CASZ1: variants seen among roughly 807,000 people sequenced by gnomAD.
The protein encoded by CASZ1 is castor zinc finger 1.
CASZ1 carries 28 observed loss-of-function variants against 135.2 expected under a neutral mutation model. That is an observed-to-expected ratio of 0.21 (90% CI 0.15 to 0.28). CASZ1 has a LOEUF of 0.28. Ranked by LOEUF, CASZ1 falls within the 10% of genes least tolerant of loss-of-function variation. The probability of loss-of-function intolerance (pLI) is 1.00; values close to 1 mark genes in which losing one functional copy is unlikely to be tolerated. For missense variants in CASZ1, 2,161 were observed against 2,453.3 expected, an observed-to-expected ratio of 0.88 and a Z score of 2.52; for synonymous variants, 1,068 against 1,073.4, an observed-to-expected ratio of 0.99 and a Z score of 0.10.
In CASZ1 at chr1:10,719,824, G is replaced by C. The variant is rs1316029440; in HGVS notation, c.-76-14280C>G. On this transcript the variant is annotated intron_variant, in intron 2 of 20. Transcript: ENST00000377022. The surrounding 1 kb of genome is among the most constrained non-coding windows in gnomAD (Gnocchi z 4.0). ...GGGGATCCCCACAGGCCTGGAACAGGCACCTCCGGGGTTCAAAGGCCCACA... is the reference window on the plus strand; with the variant it reads ...GGGGATCCCCACAGGCCTGGAACAGCCACCTCCGGGGTTCAAAGGCCCACA... 6.6e-6 allele frequency among the ~76,000 whole-genome samples: 1 copy of C among 152,256 alleles called. No homozygotes were observed. The highest frequency in any genetic ancestry group is 1.5e-5 in the Non-Finnish European group (1 of 68,048).
chr1:10,656,703 G>C lies in CASZ1; in HGVS notation c.1443C>G (p.His481Gln). Residue 481 changes from histidine (H) to glutamine (Q), a missense_variant, in exon 8 of 21, where the codon CAC (histidine) becomes CAG (glutamine). This residue lies in a region of CASZ1 where 248 missense variants were observed against 410.8 expected (regional missense o/e 0.60). Coordinates refer to ENST00000377022, the MANE Select transcript of CASZ1 (RefSeq NM_001079843.3). ...AGTGCTCGCGGTACTGGTAGGCACAGTGGATGTGGCCACAGTGCTGGCTGC... is the reference window on the plus strand; with the variant it reads ...AGTGCTCGCGGTACTGGTAGGCACACTGGATGTGGCCACAGTGCTGGCTGC... Reference protein sequence around the residue: ...FSGSQHCGHIHCAYQYREHYH... With the variant: ...FSGSQHCGHIQCAYQYREHYH... The C allele has an allele frequency of 6.2e-7, 1 of 1,603,060 alleles. No individual in the cohort carries two copies. The highest frequency in any genetic ancestry group is 1.7e-4 in the Middle Eastern group (1 of 6,036).
intron 17 of CASZ1, 128 bp downstream of exon 17, chr1:10,646,000 G>A (rs1250062911): frequency 1.9e-5 from 17 of 889,016 alleles, no homozygotes; most frequent in Non-Finnish European, 3.0e-5. Flanking sequence ...GAGTCCGGGA[G>A]GCCCATTTAA....
intron 2 of CASZ1, among the ~76,000 whole-genome samples, chr1:10,714,166 T>C (rs1176295055): frequency 6.6e-6 from 1 of 151,904 alleles, no homozygotes; most frequent in Non-Finnish European, 1.5e-5. Context: ...AATTAGCCGG[T>C]GTGGTGGCAC....
At chr1:10,644,629 C>T (rs1031587860) in intron 18 of CASZ1, among the ~76,000 whole-genome samples, 4 of 152,192 alleles carry the variant, frequency 2.6e-5, no homozygotes, top group Non-Finnish European at 5.9e-5. Context: ...AAAACAGAAC[C>T]ACGCCCAGGC....
intron 1 of CASZ1, among the ~76,000 whole-genome samples, chr1:10,790,075 C>T (rs1384969257): frequency 1.3e-5 from 2 of 152,146 alleles, no homozygotes; most frequent in African/African-American, 4.8e-5. Context: ...ATGCCACCGC[C>T]CAGGCAGAAG....
intron 2 of CASZ1, among the ~76,000 whole-genome samples, chr1:10,713,433 C>T (rs564540495): frequency 6.6e-6 from 1 of 152,290 alleles, no homozygotes; most frequent in East Asian, 1.9e-4. Context: ...CCTACATTAG[C>T]CAAAATATTT....
chr1:10,642,328 G>A (rs1461432969), intron 20 of CASZ1: 1 of 141,746 alleles, frequency 7.1e-6, no homozygotes, highest in Non-Finnish European at 1.5e-5. Context: ...GCAGCCTGGA[G>A]AGGGTGGAGA....
In CASZ1 at chr1:10,638,820, C is replaced by T. The variant is rs1642083267; in HGVS notation, c.*122G>A. On this transcript the variant is annotated 3_prime_UTR_variant, in exon 21 of 21. Coordinates refer to ENST00000377022, the MANE Select transcript of CASZ1 (RefSeq NM_001079843.3). The surrounding 1 kb of genome is among the most constrained non-coding windows in gnomAD (Gnocchi z 5.9). Reference sequence around the variant, plus strand: ...AGGGGTCCCCGCCTCTGTCCTGAGACGGACTCGGGGTCCGGAAGCACCGGC... The same window carrying T: ...AGGGGTCCCCGCCTCTGTCCTGAGATGGACTCGGGGTCCGGAAGCACCGGC... 3 of 928,714 alleles carry T rather than the reference C, an allele frequency of 3.2e-6. No individual in the cohort carries two copies. 57.5% of individuals were successfully genotyped at this position (928,714 alleles called of 1,614,324 possible).
rs778014470 is a variant in CASZ1 at position 10,657,507 on chromosome 1, A to C, written c.1410-771T>G. Among the ~76,000 whole-genome samples, 4 of 152,214 alleles carry C rather than the reference A, an allele frequency of 2.6e-5. No homozygotes were observed. The highest frequency in any genetic ancestry group is 5.9e-5 in the Non-Finnish European group (4 of 68,042). ...ATACTGTAATGGGAAAACCACGTGC[A>C]AACAAATATTTAGGCTGAAGTGGCC... On this transcript the variant is annotated intron_variant, in intron 7 of 20. Coordinates refer to ENST00000377022, the MANE Select transcript of CASZ1 (RefSeq NM_001079843.3). The surrounding 1 kb of genome is among the most constrained non-coding windows in gnomAD (Gnocchi z 5.7).
At position 10,694,862 on chromosome 1, in the gene CASZ1, G is replaced by T. The variant is rs1442077776; in HGVS notation, c.-23-950C>A. Among the ~76,000 whole-genome samples the T allele has an allele frequency of 6.9e-6, 1 of 144,546 alleles. No individual in the cohort carries two copies. The highest frequency in any genetic ancestry group is 1.5e-5 in the Non-Finnish European group (1 of 65,090). 94.8% of individuals were successfully genotyped at this position (144,546 alleles called of 152,430 possible). Reference sequence around the variant, plus strand: ...GGAACGCGGCCCGAGTAAGGCGCCCGCGGGCACGCGCCCACTCTTGCCGGC... The same window carrying T: ...GGAACGCGGCCCGAGTAAGGCGCCCTCGGGCACGCGCCCACTCTTGCCGGC... On this transcript the variant is annotated intron_variant, in intron 3 of 20. Transcript: ENST00000377022. The surrounding 1 kb of genome is among the most constrained non-coding windows in gnomAD (Gnocchi z 6.6).
chr1:10,688,761 G>C (rs1359737197), intron 4 of CASZ1, among the ~76,000 whole-genome samples: 1 of 152,180 alleles, frequency 6.6e-6, no homozygotes, highest in Non-Finnish European at 1.5e-5. Flanking sequence ...CAGGCAGCCA[G>C]AGGGGTGTGC....
At chr1:10,708,936 G>C (rs1273925164) in intron 2 of CASZ1, among the ~76,000 whole-genome samples, 1 of 140,020 alleles carries the variant, frequency 7.1e-6, no homozygotes, top group African/African-American at 2.6e-5. Context: ...AGGGTCGGGG[G>C]AGGGCAGGAA....
At chr1:10,667,498 C>G (rs985250825) in intron 4 of CASZ1, among the ~76,000 whole-genome samples, 6 of 152,196 alleles carry the variant, frequency 3.9e-5, no homozygotes, top group South Asian at 2.1e-4. Flanking sequence ...GGGCCCCTCT[C>G]GAAGTTCTGA....
rs1452949787 is a variant in CASZ1 at position 10,753,484 on chromosome 1, G to T, written c.-77+7217C>A. Among the ~76,000 whole-genome samples the T allele has an allele frequency of 2.0e-5, 3 of 152,210 alleles. No individual in the cohort carries two copies. In the East Asian group the frequency reaches 5.8e-4, roughly 29 times the overall value. On this transcript the variant is annotated intron_variant, in intron 2 of 20. Transcript: ENST00000377022. ...AGGAGCACAGGGCTCATTTGCTGGGGCTTGGTGGAGCTCAGCTCAACGGCT... is the reference window on the plus strand; with the variant it reads ...AGGAGCACAGGGCTCATTTGCTGGGTCTTGGTGGAGCTCAGCTCAACGGCT...
intron 11 of CASZ1, chr1:10,652,842 T>G (rs887178906): frequency 6.3e-6 from 1 of 159,532 alleles, no homozygotes; most frequent in Non-Finnish European, 1.4e-5. Flanking sequence ...CACTGCAGAA[T>G]AGAAGGCTTC....
chr1:10,664,099 C>T (rs578082161), intron 5 of CASZ1, among the ~76,000 whole-genome samples: 4 of 152,356 alleles, frequency 2.6e-5, no homozygotes, highest in Middle Eastern at 3.4e-3. Context: ...TACTCTGTCA[C>T]TGATGTGGCG....
intron 1 of CASZ1, among the ~76,000 whole-genome samples, chr1:10,781,940 C>A (rs187038615): frequency 6.6e-6 from 1 of 152,340 alleles, no homozygotes; most frequent in East Asian, 1.9e-4. Flanking sequence ...CCACTATCCT[C>A]CCAGCATAGC....
rs148972650 is a variant in CASZ1, at chr1:10,711,004, G to A, written c.-76-5460C>T. On this transcript the variant is annotated intron_variant, in intron 2 of 20. Transcript: ENST00000377022. This position sits in a 1 kb window ranked among gnomAD's most constrained non-coding sequence, Gnocchi z 4.4. ...ATATTAGCCGGGTGTGGTGGTGCAC[G>A]CCTGTAATCCCAGCTACTCGGGAGG... 0.014 allele frequency among the ~76,000 whole-genome samples: 2,168 copies of A among 152,300 alleles called. 54 individuals carry two copies. Among genetic ancestry groups the A allele is most frequent in the African/African-American group, 0.048 (2,007 of 41,560 alleles).
chr1:10,715,386 G>T (rs1043995668), intron 2 of CASZ1, among the ~76,000 whole-genome samples: 1 of 152,052 alleles, frequency 6.6e-6, no homozygotes, highest in Non-Finnish European at 1.5e-5. Context: ...CCAAGCCCTT[G>T]GCTCTGTTGG....
Sources: gnomAD v4.1 joint callset for allele counts (sites outside exome capture counted in the v4.1 genomes callset) on GRCh38, gnomAD v4.1.1 for gene constraint, gnomAD v4.1.1 regional missense constraint, Gnocchi (gnomAD v3.1) non-coding constraint, MANE v1.5 for transcripts, NCBI Gene and HGNC (gene_info 2026-07-23, HGNC 2026-07-21) for gene names.